CUL9: variants seen among roughly 807,000 people sequenced by gnomAD.
CUL9 encodes the protein cullin 9, also known as cullin-9.
CUL9 carries 79 observed loss-of-function variants against 272.6 expected under a neutral mutation model. The observed-to-expected ratio is 0.29, with a 90% CI of 0.24 to 0.35. CUL9 has a LOEUF of 0.35. Ranked by LOEUF, CUL9 falls within the 10% of genes least tolerant of loss-of-function variation. The pLI, the probability that CUL9 is intolerant of heterozygous loss-of-function variation, is 1.00. For synonymous variants in CUL9, 1,186 were observed against 1,286.5 expected, an observed-to-expected ratio of 0.92 and a Z score of 1.67; for missense variants, 2,532 against 3,255.6, an observed-to-expected ratio of 0.78 and a Z score of 5.41.
rs758910731 is a variant in CUL9 at position 43,213,399 on chromosome 6, C to CT, written c.5359-36dup. The stretch of plus-strand genomic sequence containing the variant: ...TCATCCTTACTCCCCTCTTCCTTTT[C>CT]TTTCCTTTGACTCCTGACTGGGCGT... On this transcript the variant is annotated intron_variant, in intron 27 of 40. Coordinates refer to ENST00000252050, the MANE Select transcript of CUL9 (RefSeq NM_015089.4). The surrounding 1 kb of genome is among the most constrained non-coding windows in gnomAD (Gnocchi z 5.7). The CT allele has an allele frequency of 3.7e-6, 6 of 1,612,326 alleles. No individual in the cohort carries two copies. In the South Asian group the frequency reaches 6.6e-5, roughly 18 times the overall value.
In CUL9 at chr6:43,204,423, C is replaced by G; in HGVS notation, c.4223C>G (p.Ser1408Cys). The G allele has an allele frequency of 6.2e-7, 1 of 1,614,158 alleles. No individual in the cohort carries two copies. ...LDQYLEQRET[S>C]RNPLSRAASF... ...CAGTACTTAGAACAGAGAGAGACCT[C>G]TCGGAACCCCTTGAGTCGAGCAGCG... Residue 1408 changes from serine (S) to cysteine (C), a missense_variant, in exon 21 of 41, where the codon TCT becomes TGT. Coordinates refer to ENST00000252050, the MANE Select transcript of CUL9 (RefSeq NM_015089.4).
In CUL9 at chr6:43,188,618, A is replaced by G. The variant is rs1209873661; in HGVS notation, c.2083A>G (p.Thr695Ala). Residue 695 changes from threonine (T) to alanine (A), a missense_variant, in exon 8 of 41, where the codon ACA becomes GCA. This residue lies in a region of CUL9 where 2,218 missense variants were observed against 2,788.6 expected (regional missense o/e 0.80). Coordinates refer to ENST00000252050, the MANE Select transcript of CUL9 (RefSeq NM_015089.4). ...VATVQISSLD[T>A]NLQLSGLSAL... The stretch of plus-strand genomic sequence containing the variant: ...CACTGTGCAGATATCCAGCTTGGAC[A>G]CAAACCTGCAGCTTTCAGGGCTCTC... 2.5e-6 allele frequency: 4 copies of G among 1,614,202 alleles called. No homozygotes were observed. The highest frequency in any genetic ancestry group is 3.4e-6 in the Non-Finnish European group (4 of 1,180,038).
rs199596802 is a variant in CUL9 at position 43,223,402 on chromosome 6, T to G, written c.7284+5T>G. ...ATCCTGCAGCATTCTGCCCAGGTAC[T>G]GCCCGGCCCAGACCCCTTCTGCTCC... On this transcript the variant is annotated splice_donor_5th_base_variant and intron_variant, in intron 39 of 40. Coordinates refer to ENST00000252050, the MANE Select transcript of CUL9 (RefSeq NM_015089.4). This position sits in a 1 kb window ranked among gnomAD's most constrained non-coding sequence, Gnocchi z 4.1. 5 of 1,590,104 alleles carry G rather than the reference T, an allele frequency of 3.1e-6. No homozygotes were observed. The highest frequency in any genetic ancestry group is 4.3e-6 in the Non-Finnish European group (5 of 1,167,158).
chr6:43,222,964 C>T (rs1474872234), intron 38 of CUL9, 68 bp downstream of exon 38: 1 of 1,351,966 alleles, frequency 7.4e-7, no homozygotes, highest in Non-Finnish European at 1.0e-6. Context: ...CCGGCCCCTC[C>T]CAGACAGGTC....
intron 26 of CUL9, among the ~76,000 whole-genome samples, chr6:43,207,112 C>T (rs1043281562): frequency 3.9e-5 from 6 of 152,062 alleles, no homozygotes; most frequent in Admixed American, 6.6e-5. Context: ...CCACTGTGCC[C>T]GGCCAAAAAG....
rs1775907378 is a variant in CUL9 at position 43,216,090 on chromosome 6, T to C, written c.5937-68T>C. The C allele has an allele frequency of 4.2e-6, 6 of 1,437,988 alleles. No individual in the cohort carries two copies. In the Admixed American group the frequency reaches 1.2e-4, roughly 28 times the overall value. 89.1% of individuals were successfully genotyped at this position (1,437,988 alleles called of 1,614,324 possible). A position where few individuals can be genotyped will look rare whatever the true frequency, so the allele number is the denominator to read the frequency against. On this transcript the variant is annotated intron_variant, in intron 30 of 40. Coordinates refer to ENST00000252050, the MANE Select transcript of CUL9 (RefSeq NM_015089.4). Reference sequence around the variant, plus strand: ...CTCAAAGAGGGAGCTGGGGGCCAGGTGGGGTTCAGTTAGTAGGCTGGATAG... The same window carrying C: ...CTCAAAGAGGGAGCTGGGGGCCAGGCGGGGTTCAGTTAGTAGGCTGGATAG...
At position 43,184,658 on chromosome 6, in the gene CUL9, G is replaced by A. The variant is rs764024686; in HGVS notation, c.348G>A (p.Glu116=). The A allele has an allele frequency of 1.2e-6, 2 of 1,611,752 alleles. No individual in the cohort carries two copies. The highest frequency in any genetic ancestry group is 1.1e-5 in the South Asian group (1 of 91,048). ...GLDEVAMGEM[E]ADVQALVRRA... ...ATGAAGTGGCAATGGGAGAGATGGA[G>A]GCTGATGTTCAGGCGCTGGTACGCA... The change falls in exon 2 of 41, where the codon GAG becomes GAA. Residue 116 remains glutamate, a synonymous_variant. Coordinates refer to ENST00000252050, the MANE Select transcript of CUL9 (RefSeq NM_015089.4). The surrounding 1 kb of genome is among the most constrained non-coding windows in gnomAD (Gnocchi z 4.8).
At chr6:43,217,706 T>G (rs1270825350) in intron 31 of CUL9, among the ~76,000 whole-genome samples, 2 of 152,256 alleles carry the variant, frequency 1.3e-5, no homozygotes, top group African/African-American at 4.8e-5. Context: ...TCCTCTCACA[T>G]AGTTGCTTAT....
rs764675337 is a variant in CUL9 at position 43,198,894 on chromosome 6, G to C, written c.3050+39G>C. On this transcript the variant is annotated intron_variant, in intron 12 of 40. Coordinates refer to ENST00000252050, the MANE Select transcript of CUL9 (RefSeq NM_015089.4). ...TGAGGCACCATGCATTGGGACGAGG[G>C]AAACTGGCAGACTTCAGGGACTTCA... The C allele has an allele frequency of 5.6e-6, 9 of 1,593,744 alleles. No individual in the cohort carries two copies. The Admixed American group carries it at 1.6e-4, about 28-fold the overall frequency.
chr6:43,221,618 C>A lies in CUL9; in HGVS notation c.6753-67C>A. On this transcript the variant is annotated intron_variant, in intron 34 of 40. Transcript: ENST00000252050. The surrounding 1 kb of genome is among the most constrained non-coding windows in gnomAD (Gnocchi z 4.2). Reference sequence around the variant, plus strand: ...CAGCATCAACAGCGGTACATCTGGGCCCTTGGCATTCCTGGCACACCCCTG... The same window carrying A: ...CAGCATCAACAGCGGTACATCTGGGACCTTGGCATTCCTGGCACACCCCTG... 3 of 1,426,618 alleles carry A rather than the reference C, an allele frequency of 2.1e-6. No individual in the cohort carries two copies. The highest frequency in any genetic ancestry group is 2.0e-6 in the Non-Finnish European group (2 of 1,020,792). The allele number at this position is 1,426,618 out of a possible 1,614,324, so 88.4% of individuals were successfully genotyped here.
chr6:43,187,684 T>G, intron 6 of CUL9, 29 bp from the exon 7 acceptor site: 1 of 1,603,826 alleles, frequency 6.2e-7, no homozygotes, highest in Non-Finnish European at 8.5e-7. Flanking sequence ...TCTGCTTGTC[T>G]CTTAAACGTA....
intron 9 of CUL9, among the ~76,000 whole-genome samples, chr6:43,195,632 TCAAGGGAAGAGAGATTTTG>T (rs1223380064): frequency 2.0e-5 from 3 of 152,090 alleles, no homozygotes; most frequent in Non-Finnish European, 4.4e-5. Flanking sequence ...GTCATGGAAC[TCAAGGGAAGAGAGATTTTG>T]CAAAGGAAGG....
At chr6:43,190,787 C>T (rs1185492569) in intron 8 of CUL9, among the ~76,000 whole-genome samples, 1 of 152,164 alleles carries the variant, frequency 6.6e-6, no homozygotes, top group Admixed American at 6.5e-5. Context: ...TGTGTTCTTT[C>T]CCCTCGTAGT....
chr6:43,207,531 T>C (rs1013748456), intron 26 of CUL9, among the ~76,000 whole-genome samples: 1 of 152,258 alleles, frequency 6.6e-6, no homozygotes, highest in Non-Finnish European at 1.5e-5. Context: ...TTCTGCTGTT[T>C]ATGGGCATTT....
At position 43,220,562 on chromosome 6, in the gene CUL9, T is replaced by C. The variant is rs1776271788; in HGVS notation, c.6386T>C (p.Ile2129Thr). 1 of 1,614,124 alleles carries C rather than the reference T, an allele frequency of 6.2e-7. No individual in the cohort carries two copies. Among genetic ancestry groups the C allele is most frequent in the Non-Finnish European group, 8.5e-7 (1 of 1,180,008 alleles). The change falls in exon 32 of 41, where the codon ATT (isoleucine) becomes ACT (threonine). Residue 2129 changes from isoleucine to threonine, a missense_variant. Ile to Thr is a moderately conservative substitution (Grantham distance 89). Coordinates refer to ENST00000252050, the MANE Select transcript of CUL9 (RefSeq NM_015089.4). This position sits in a 1 kb window ranked among gnomAD's most constrained non-coding sequence, Gnocchi z 4.9. ...CCCGCCCAGCCCACCGGAGCCTTCATTCGTGCCATCGTCTCCTCGCCAGAG... is the reference window on the plus strand; with the variant it reads ...CCCGCCCAGCCCACCGGAGCCTTCACTCGTGCCATCGTCTCCTCGCCAGAG... ...DCPAQPTGAF[I>T]RAIVSSPEVI...
chr6:43,200,804 C>T lies in CUL9; in HGVS notation c.3617C>T (p.Thr1206Ile). ...GGCAGCACCGGCTCCCACTACATCA[C>T]CCTGCACATGCACCGTGGTGTTCTT... ...SNGSTGSHYI[T>I]LHMHRGVLVR... Residue 1206 changes from threonine (T) to isoleucine (I), a missense_variant, in exon 16 of 41, where the codon ACC (threonine) becomes ATC (isoleucine). By Grantham distance (89) the Thr-to-Ile change is moderately conservative (BLOSUM62 -1). This residue lies in a region of CUL9 where 2,218 missense variants were observed against 2,788.6 expected (regional missense o/e 0.80). Coordinates refer to ENST00000252050, the MANE Select transcript of CUL9 (RefSeq NM_015089.4). This position sits in a 1 kb window ranked among gnomAD's most constrained non-coding sequence, Gnocchi z 4.0. The T allele has an allele frequency of 3.7e-6, 6 of 1,614,236 alleles. No individual in the cohort carries two copies. The highest frequency in any genetic ancestry group is 5.1e-6 in the Non-Finnish European group (6 of 1,180,042).
At position 43,199,125 on chromosome 6, in the gene CUL9, G is replaced by C; in HGVS notation, c.3051-141G>C. 1 of 777,162 alleles carries C rather than the reference G, an allele frequency of 1.3e-6. No homozygotes were observed. 48.1% of individuals were successfully genotyped at this position (777,162 alleles called of 1,614,324 possible). A position where few individuals can be genotyped will look rare whatever the true frequency, so the allele number is the denominator to read the frequency against. On this transcript the variant is annotated intron_variant, in intron 12 of 40. Coordinates refer to ENST00000252050, the MANE Select transcript of CUL9 (RefSeq NM_015089.4). The surrounding 1 kb of genome is among the most constrained non-coding windows in gnomAD (Gnocchi z 4.4). The stretch of plus-strand genomic sequence containing the variant: ...CTAATTTTGTATTTTTAGTAGAGAT[G>C]GGGTTTCTCCATTTTGGTCAGGCTG...
In CUL9 at chr6:43,220,122, G is replaced by A. The variant is rs983531947; in HGVS notation, c.6283-337G>A. On this transcript the variant is annotated intron_variant, in intron 31 of 40. Coordinates refer to ENST00000252050, the MANE Select transcript of CUL9 (RefSeq NM_015089.4). This position sits in a 1 kb window ranked among gnomAD's most constrained non-coding sequence, Gnocchi z 4.9. ...CCATTTCCCAGGCCTCCTTTCTCTC[G>A]GACCTTCCTGCTCTCTGCATATCTT... Among the ~76,000 whole-genome samples, 8 of 152,114 alleles carry A rather than the reference G, an allele frequency of 5.3e-5. No homozygotes were observed. Among genetic ancestry groups the A allele is most frequent in the Middle Eastern group, 3.2e-3 (1 of 316 alleles).
Position 43,213,728 on chromosome 6 carries a change from A to G in CUL9, c.5504A>G (p.His1835Arg), listed in dbSNP as rs1347536100. The G allele has an allele frequency of 1.2e-6, 2 of 1,613,134 alleles. No homozygotes were observed. Among genetic ancestry groups the G allele is most frequent in the Non-Finnish European group, 8.5e-7 (1 of 1,179,844 alleles). ...CGGGTTCCAGGTGTGCTGCGGCTTCATGAGCCTGGGCCCCAGCGCAGTGGG... is the reference window on the plus strand; with the variant it reads ...CGGGTTCCAGGTGTGCTGCGGCTTCGTGAGCCTGGGCCCCAGCGCAGTGGG... ...DFPHGGVLRL[H>R]EPGPQRSGEA... Residue 1835 changes from histidine (H) to arginine (R), a missense_variant, in exon 29 of 41, where the codon CAT (histidine) becomes CGT (arginine). Transcript: ENST00000252050. This position sits in a 1 kb window ranked among gnomAD's most constrained non-coding sequence, Gnocchi z 5.7.
Sources: allele counts gnomAD v4.1 joint callset (sites outside exome capture counted in the v4.1 genomes callset), GRCh38; gene constraint gnomAD v4.1.1; regional missense constraint gnomAD v4.1.1; non-coding constraint Gnocchi (gnomAD v3.1); transcripts MANE v1.5; gene names NCBI Gene and HGNC (gene_info 2026-07-23, HGNC 2026-07-21).